MGAT4A: variants seen among roughly 807,000 people sequenced by gnomAD.
MGAT4A encodes N-acetylglucosaminyltransferase IVa.
MGAT4A carries 33 observed loss-of-function variants against 74.1 expected under a neutral mutation model. The observed-to-expected ratio is 0.45, with a 90% CI of 0.34 to 0.60. MGAT4A has a LOEUF of 0.60. Ranked by LOEUF, MGAT4A falls within the 20% of genes least tolerant of loss-of-function variation. The probability of loss-of-function intolerance (pLI) is 0.02; values close to 1 mark genes in which losing one functional copy is unlikely to be tolerated. For missense variants in MGAT4A, 479 were observed against 628.3 expected (o/e 0.76, Z 2.54); for synonymous variants, 198 against 210.4 (o/e 0.94, Z 0.51).
intron 2 of MGAT4A, among the ~76,000 whole-genome samples, chr2:98,693,591 C>T (rs1702221471): frequency 6.6e-6 from 1 of 151,324 alleles, no homozygotes; most frequent in African/African-American, 2.4e-5. Flanking sequence ...TCTGTGGTCC[C>T]ACATACTTGC....
At chr2:98,691,721 C>G (rs1702197019) in intron 2 of MGAT4A, among the ~76,000 whole-genome samples, 1 of 152,092 alleles carries the variant, frequency 6.6e-6, no homozygotes, top group Non-Finnish European at 1.5e-5. Context: ...AAAAAGTTAC[C>G]TGGAAAACAG....
intron 2 of MGAT4A, among the ~76,000 whole-genome samples, chr2:98,709,782 T>C (rs1484020617): frequency 1.3e-5 from 2 of 152,172 alleles, no homozygotes; most frequent in Non-Finnish European, 2.9e-5. Flanking sequence ...AAGGGGTAAA[T>C]TCAAGCCATG....
chr2:98,681,033 A>G (rs375850597), intron 2 of MGAT4A, among the ~76,000 whole-genome samples: 4 of 152,162 alleles, frequency 2.6e-5, no homozygotes, highest in African/African-American at 9.7e-5. Flanking sequence ...CCCAGGCTGG[A>G]GTGCAGTGGC....
chr2:98,633,824 G>A (rs565617329), intron 14 of MGAT4A, among the ~76,000 whole-genome samples: 3 of 152,228 alleles, frequency 2.0e-5, no homozygotes, highest in South Asian at 4.1e-4. Flanking sequence ...ACAGGTAATG[G>A]GGTAATAAAT....
intron 4 of MGAT4A, among the ~76,000 whole-genome samples, chr2:98,670,944 T>C (rs1701903170): frequency 6.6e-6 from 1 of 152,216 alleles, no homozygotes; most frequent in Admixed American, 6.5e-5. Flanking sequence ...TCCACTGTGA[T>C]ATCTCAAAAT....
chr2:98,627,407 A>T (rs1701161672), intron 14 of MGAT4A, among the ~76,000 whole-genome samples: 1 of 151,780 alleles, frequency 6.6e-6, no homozygotes, highest in African/African-American at 2.4e-5. Flanking sequence ...ATAGAGTCTC[A>T]CTCTGTCACC....
intron 2 of MGAT4A, among the ~76,000 whole-genome samples, chr2:98,682,422 C>CAAAAAAAA (rs1013377462): frequency 1.4e-4 from 5 of 36,448 alleles, no homozygotes; most frequent in Non-Finnish European, 2.4e-4. Context: ...AATTCCATCT[C>CAAAAAAAA]AAAAAAAAAA....
At chr2:98,651,355 A>T (rs1701576014) in intron 8 of MGAT4A, among the ~76,000 whole-genome samples, 1 of 152,222 alleles carries the variant, frequency 6.6e-6, no homozygotes, top group Non-Finnish European at 1.5e-5. Flanking sequence ...CTTAAAGACT[A>T]AAAGCACAAA....
rs776665641 is a variant in MGAT4A, at chr2:98,675,034, C to T, written c.403+1G>A. 6 of 1,608,720 alleles carry T rather than the reference C, an allele frequency of 3.7e-6. No individual in the cohort carries two copies. Among genetic ancestry groups the T allele is most frequent in the Non-Finnish European group, 3.4e-6 (4 of 1,178,708 alleles). ...TGCAGTAAGAAACAAAATAAACATA[C>T]CTCCTGTTCTTCCGTTGCCAATCTG... On this transcript the variant is annotated splice_donor_variant, in intron 4 of 15. Coordinates refer to ENST00000393487, the MANE Select transcript of MGAT4A (RefSeq NM_012214.3). LOFTEE classifies it high-confidence loss of function.
At chr2:98,648,659 G>A (rs974883014) in intron 8 of MGAT4A, among the ~76,000 whole-genome samples, 2 of 151,376 alleles carry the variant, frequency 1.3e-5, no homozygotes, top group African/African-American at 2.4e-5. Context: ...AGGATGCAGC[G>A]AGCTGTGAAC....
chr2:98,726,631 A>C (rs781305760), intron 1 of MGAT4A, 64 bp from the exon 2 acceptor site: 13 of 355,880 alleles, frequency 3.7e-5, no homozygotes, highest in Non-Finnish European at 5.5e-5. Context: ...TTCTTCATTT[A>C]CTATTCATCA....
chr2:98,631,954 A>G (rs1322867006), intron 14 of MGAT4A, among the ~76,000 whole-genome samples: 1 of 152,020 alleles, frequency 6.6e-6, no homozygotes, highest in African/African-American at 2.4e-5. Context: ...TACCAAAAAT[A>G]GAAAAATGAG....
chr2:98,623,972 A>G lies in MGAT4A; in HGVS notation c.*1594T>C, dbSNP rs1701101467. 1.0e-6 allele frequency: 1 copy of G among 984,780 alleles called. No individual in the cohort carries two copies. Among genetic ancestry groups the G allele is most frequent in the East Asian group, 1.1e-4 (1 of 8,802 alleles). The allele number at this position is 984,780 out of a possible 1,614,324, so 61.0% of individuals were successfully genotyped here. A position where few individuals can be genotyped will look rare whatever the true frequency, so the allele number is the denominator to read the frequency against. On this transcript the variant is annotated 3_prime_UTR_variant, in exon 16 of 16. Transcript: ENST00000393487. ...ACCTGCAACCCACTTGTGGCACCCC[A>G]GTGTGTCCAAGCAGACTGGCTGGGA...
intron 2 of MGAT4A, chr2:98,725,871 G>A (rs1257265279): frequency 3.3e-6 from 1 of 307,342 alleles, no homozygotes; most frequent in Non-Finnish European, 5.9e-6. Flanking sequence ...CCTTTTAAGT[G>A]TTTTATGCAA....
chr2:98,664,076 G>A (rs1375956157), intron 4 of MGAT4A, among the ~76,000 whole-genome samples: 4 of 151,626 alleles, frequency 2.6e-5, no homozygotes, highest in Non-Finnish European at 2.9e-5. Context: ...GCATGGTGGC[G>A]CACACCTATA....
chr2:98,636,503 A>C lies in MGAT4A; in HGVS notation c.1401+14T>G. ...TAGTTGTTAGGGAAAGGTAAGAGGAAATAGCAGTCATACCTTAAAAGGCAA... is the reference window on the plus strand; with the variant it reads ...TAGTTGTTAGGGAAAGGTAAGAGGACATAGCAGTCATACCTTAAAAGGCAA... On this transcript the variant is annotated intron_variant, in intron 13 of 15. Transcript: ENST00000393487. 6.3e-7 allele frequency: 1 copy of C among 1,589,808 alleles called. No homozygotes were observed. Among genetic ancestry groups the C allele is most frequent in the Non-Finnish European group, 8.6e-7 (1 of 1,157,966 alleles).
rs531634971 is a variant in MGAT4A at position 98,621,492 on chromosome 2, G to A, written c.*4074C>T. The A allele has an allele frequency of 1.9e-5, 30 of 1,551,558 alleles. No homozygotes were observed. The highest frequency in any genetic ancestry group is 6.0e-5 in the South Asian group (5 of 84,024). ...GTCTCTTGACTTCTGCCACCAGCCC[G>A]AGAAAACTCTCTGCTTTTAAAGGAG... On this transcript the variant is annotated 3_prime_UTR_variant, in exon 16 of 16. Coordinates refer to ENST00000393487, the MANE Select transcript of MGAT4A (RefSeq NM_012214.3).
intron 2 of MGAT4A, among the ~76,000 whole-genome samples, chr2:98,700,944 T>C (rs1042916668): frequency 6.6e-6 from 1 of 151,786 alleles, no homozygotes; most frequent in Non-Finnish European, 1.5e-5. Flanking sequence ...ATGCATTTTA[T>C]TAAAAATAAT....
At position 98,623,807 on chromosome 2, in the gene MGAT4A, TGTTGG is replaced by T. The variant is rs1448709437; in HGVS notation, c.*1754_*1758del. The T allele has an allele frequency of 2.0e-6, 2 of 985,304 alleles. No individual in the cohort carries two copies. Among genetic ancestry groups the T allele is most frequent in the African/African-American group, 3.5e-5 (2 of 57,240 alleles). The allele number at this position is 985,304 out of a possible 1,614,324, so 61.0% of individuals were successfully genotyped here. ...CACAGGAAATGATGCTATTTCATGC[TGTTGG>T]TTCAGCACATTGGGTAACTAGATGA... On this transcript the variant is annotated 3_prime_UTR_variant, in exon 16 of 16. Coordinates refer to ENST00000393487, the MANE Select transcript of MGAT4A (RefSeq NM_012214.3).
Sources: gnomAD v4.1 joint callset for allele counts (sites outside exome capture counted in the v4.1 genomes callset) on GRCh38, gnomAD v4.1.1 for gene constraint, MANE v1.5 for transcripts, NCBI Gene and HGNC (gene_info 2026-07-23, HGNC 2026-07-21) for gene names.